GNAI3: variants seen among roughly 807,000 people sequenced by gnomAD.
GNAI3 encodes the protein G protein subunit alpha i3.
Under a neutral mutation model 41.8 loss-of-function variants are expected in GNAI3, and 12 were observed. That is an observed-to-expected ratio of 0.29 (90% confidence interval 0.18 to 0.47). The LOEUF (loss-of-function observed/expected upper bound fraction) is 0.47. GNAI3 is among the 20% of genes least tolerant of loss of function. The probability of loss-of-function intolerance (pLI) is 1.00; values close to 1 mark genes in which losing one functional copy is unlikely to be tolerated. For synonymous variants in GNAI3, 132 were observed against 146.5 expected, an observed-to-expected ratio of 0.90 and a Z score of 0.71; for missense variants, 360 against 429.6, an observed-to-expected ratio of 0.84 and a Z score of 1.43.
At chr1:109,575,277 A>T (rs1648706032) in intron 3 of GNAI3, among the ~76,000 whole-genome samples, 1 of 151,202 alleles carries the variant, frequency 6.6e-6, no homozygotes, top group South Asian at 2.1e-4. Context: ...TTTCTTCTTT[A>T]TACCAGCTCT....
At chr1:109,562,787 A>G (rs1347310537) in intron 1 of GNAI3, among the ~76,000 whole-genome samples, 2 of 152,184 alleles carry the variant, frequency 1.3e-5, no homozygotes, top group African/African-American at 4.8e-5. Context: ...GGTAGGGAGG[A>G]ATATGATTTC....
rs1172890412 is a variant in GNAI3 at position 109,593,828 on chromosome 1, G to A, written c.*1506G>A. ...ATTAAATATTGAATGCTCTATTGGG[G>A]GAAGACAAATGAAGAGAATGCATTT... On this transcript the variant is annotated 3_prime_UTR_variant, in exon 9 of 9. Coordinates refer to ENST00000369851, the MANE Select transcript of GNAI3 (RefSeq NM_006496.4). 1 of 152,552 alleles carries A rather than the reference G, an allele frequency of 6.6e-6. No homozygotes were observed. The highest frequency in any genetic ancestry group is 1.5e-5 in the Non-Finnish European group (1 of 68,030). The allele number at this position is 152,552 out of a possible 1,614,324, so 9.4% of individuals were successfully genotyped here.
intron 1 of GNAI3, among the ~76,000 whole-genome samples, chr1:109,562,665 C>CA (rs1415909675): frequency 2.0e-5 from 3 of 152,090 alleles, no homozygotes; most frequent in Non-Finnish European, 2.9e-5. Context: ...TCTGGCAACT[C>CA]AGTTTGTAGT....
At chr1:109,577,278 G>GTTTTTTTT (rs10690094) in intron 3 of GNAI3, among the ~76,000 whole-genome samples, 1 of 125,368 alleles carries the variant, frequency 8.0e-6, no homozygotes, top group African/African-American at 2.9e-5. Context: ...TGTTTTTTTT[G>GTTTTTTTT]TTTTTTTTTT....
At chr1:109,589,252 A>G (rs1649111157) in intron 7 of GNAI3, among the ~76,000 whole-genome samples, 1 of 152,186 alleles carries the variant, frequency 6.6e-6, no homozygotes, top group Admixed American at 6.5e-5. Context: ...AACCAAAAGG[A>G]GAGGTTAAAA....
chr1:109,563,970 C>T (rs1172850976), intron 1 of GNAI3, among the ~76,000 whole-genome samples: 1 of 151,452 alleles, frequency 6.6e-6, no homozygotes, highest in Non-Finnish European at 1.5e-5. Context: ...TAATAAAAAA[C>T]AACCTAAAGT....
At chr1:109,580,478 A>G (rs1030876539) in intron 4 of GNAI3, among the ~76,000 whole-genome samples, 1 of 152,210 alleles carries the variant, frequency 6.6e-6, no homozygotes, top group Non-Finnish European at 1.5e-5. Context: ...ATTAAATGAT[A>G]TAGTCAGGCT....
chr1:109,552,907 C>G (rs899683741), intron 1 of GNAI3, among the ~76,000 whole-genome samples: 4 of 152,114 alleles, frequency 2.6e-5, no homozygotes, highest in African/African-American at 9.7e-5. Context: ...AGTTCTACCT[C>G]CACTTATTAG....
At chr1:109,590,063 T>G (rs1266606873) in intron 7 of GNAI3, among the ~76,000 whole-genome samples, 1 of 152,188 alleles carries the variant, frequency 6.6e-6, no homozygotes, top group Non-Finnish European at 1.5e-5. Flanking sequence ...TACAAATAAG[T>G]GCAGATATGT....
chr1:109,576,063 G>A (rs1648733097), intron 3 of GNAI3, among the ~76,000 whole-genome samples: 1 of 151,868 alleles, frequency 6.6e-6, no homozygotes, highest in African/African-American at 2.4e-5. Context: ...TTGTCTTCTA[G>A]TATTTTTGTT....
rs1160756662 is a variant in GNAI3, at chr1:109,591,979, C to G, written c.875-64C>G. 4.2e-6 allele frequency: 4 copies of G among 948,912 alleles called. No individual in the cohort carries two copies. In the African/African-American group the frequency reaches 6.5e-5, roughly 15 times the overall value. The allele number at this position is 948,912 out of a possible 1,614,324, so 58.8% of individuals were successfully genotyped here. A position where few individuals can be genotyped will look rare whatever the true frequency, so the allele number is the denominator to read the frequency against. On this transcript the variant is annotated intron_variant, in intron 7 of 8. Coordinates refer to ENST00000369851, the MANE Select transcript of GNAI3 (RefSeq NM_006496.4). ...CTCTCCATAAGTAAATGGTAATGGT[C>G]TGACTTAGTTGAGTTCAGGCAGCTG...
intron 5 of GNAI3, among the ~76,000 whole-genome samples, chr1:109,585,093 A>G (rs139885634): frequency 1.5e-3 from 230 of 152,362 alleles, no homozygotes; most frequent in African/African-American, 5.5e-3. Flanking sequence ...GGGGGAAAAC[A>G]TCTCTGGAAA....
intron 1 of GNAI3, among the ~76,000 whole-genome samples, chr1:109,560,804 C>T (rs753173790): frequency 1.1e-4 from 17 of 152,158 alleles, no homozygotes; most frequent in Non-Finnish European, 1.9e-4. Context: ...TCAACTCAGC[C>T]TCCCAAAGTG....
Position 109,548,620 on chromosome 1 carries a change from A to T in GNAI3, c.-101A>T. ...TTCTGGGCGCTAAGGGAGCTGACGG[A>T]GAGGGCCACCGCCCAGCAATAGACG... On this transcript the variant is annotated 5_prime_UTR_variant, in exon 1 of 9. Transcript: ENST00000369851. 4.0e-6 allele frequency: 3 copies of T among 744,386 alleles called. No homozygotes were observed. Among genetic ancestry groups the T allele is most frequent in the Non-Finnish European group, 6.9e-6 (3 of 435,520 alleles). 46.1% of individuals were successfully genotyped at this position (744,386 alleles called of 1,614,324 possible). A position where few individuals can be genotyped will look rare whatever the true frequency, so the allele number is the denominator to read the frequency against.
chr1:109,571,144 G>T (rs982234506), intron 1 of GNAI3, among the ~76,000 whole-genome samples: 1 of 152,162 alleles, frequency 6.6e-6, no homozygotes, highest in African/African-American at 2.4e-5. Flanking sequence ...GTGAATGTTG[G>T]TGCCATTTAC....
intron 4 of GNAI3, among the ~76,000 whole-genome samples, chr1:109,580,412 T>A (rs948157096): frequency 6.6e-6 from 1 of 152,218 alleles, no homozygotes; most frequent in Non-Finnish European, 1.5e-5. Context: ...TTCTCCAATA[T>A]TACTGTTTTC....
At chr1:109,566,852 C>T (rs946836988) in intron 1 of GNAI3, among the ~76,000 whole-genome samples, 1 of 152,140 alleles carries the variant, frequency 6.6e-6, no homozygotes, top group African/African-American at 2.4e-5. Flanking sequence ...CATGAGCCAC[C>T]GCACCTGGCC....
chr1:109,568,199 A>C (rs1430176157), intron 1 of GNAI3, among the ~76,000 whole-genome samples: 2 of 152,106 alleles, frequency 1.3e-5, no homozygotes, highest in Admixed American at 1.3e-4. Flanking sequence ...GGTGGAGAGC[A>C]TATGCTCTGG....
At chr1:109,555,965 T>TGCGTGCGTGCGTGCGTGCGTGCGTGC (rs759790449) in intron 1 of GNAI3, among the ~76,000 whole-genome samples, 2 of 99,376 alleles carry the variant, frequency 2.0e-5, no homozygotes, top group Non-Finnish European at 1.9e-5. Context: ...CGTGCGTGCG[T>TGCGTGCGTGCGTGCGTGCGTGCGTGC]GTGTGTGTGT....
Sources: allele counts gnomAD v4.1 joint callset (sites outside exome capture counted in the v4.1 genomes callset), GRCh38; gene constraint gnomAD v4.1.1; transcripts MANE v1.5; gene names NCBI Gene and HGNC (gene_info 2026-07-23, HGNC 2026-07-21).